GNAZ: variants seen among roughly 807,000 people sequenced by gnomAD.
The protein encoded by GNAZ is G protein subunit alpha z, also known as guanine nucleotide-binding protein G(z) subunit alpha.
A neutral mutation model predicts 25.4 loss-of-function variants in GNAZ; 3 were observed. That is an observed-to-expected ratio of 0.12 (90% confidence interval 0.05 to 0.30). The LOEUF is 0.30. Among genes scored for constraint, GNAZ ranks in the 10% least tolerant of loss-of-function variants. The probability of loss-of-function intolerance (pLI) is 1.00; values close to 1 mark genes in which losing one functional copy is unlikely to be tolerated. For synonymous variants in GNAZ, 211 were observed against 205.7 expected, an observed-to-expected ratio of 1.03 and a Z score of -0.22; for missense variants, 241 against 501.8, an observed-to-expected ratio of 0.48 and a Z score of 4.97.
chr22:23,080,778 A>C (rs2068654834), intron 1 of GNAZ, among the ~76,000 whole-genome samples: 2 of 152,266 alleles, frequency 1.3e-5, no homozygotes, highest in South Asian at 2.1e-4. Context: ...CTATTGTGAT[A>C]AATGAAATGC....
In GNAZ at chr22:23,094,249, G is replaced by T. The variant is rs1405592396; in HGVS notation, c.-449-998G>T. Among the ~76,000 whole-genome samples the T allele has an allele frequency of 2.0e-5, 3 of 152,126 alleles. No homozygotes were observed. In the South Asian group the frequency reaches 6.2e-4, roughly 31 times the overall value. The stretch of plus-strand genomic sequence containing the variant: ...AGAGGGGTGCGTGTGAGTTGGGTGG[G>T]GCCTGGTGCCACCCTGGGCTCACAG... On this transcript the variant is annotated intron_variant, in intron 1 of 2. Transcript: ENST00000615612.
At chr22:23,089,933 G>A in intron 1 of GNAZ, among the ~76,000 whole-genome samples, 1 of 152,170 alleles carries the variant, frequency 6.6e-6, no homozygotes, top group East Asian at 1.9e-4. Flanking sequence ...TCTGGCCTGA[G>A]CACAGCCCAC....
intron 2 of GNAZ, among the ~76,000 whole-genome samples, chr22:23,106,947 A>C (rs2069499536): frequency 6.6e-6 from 1 of 152,176 alleles, no homozygotes; most frequent in Admixed American, 6.5e-5. Flanking sequence ...ACACACAGGG[A>C]AACCAGGGAG....
At chr22:23,080,689 C>T (rs919473837) in intron 1 of GNAZ, among the ~76,000 whole-genome samples, 8 of 152,228 alleles carry the variant, frequency 5.3e-5, no homozygotes, top group African/African-American at 1.2e-4. Flanking sequence ...CCCACAAACA[C>T]GGAGTCACAT....
At chr22:23,096,984 G>A (rs2069144325) in intron 2 of GNAZ, among the ~76,000 whole-genome samples, 1 of 152,242 alleles carries the variant, frequency 6.6e-6, no homozygotes, top group African/African-American at 2.4e-5. Flanking sequence ...AGGGTGGGGA[G>A]CCGGGTGAAG....
chr22:23,072,302 AGTGGGGGT>A (rs556607046), intron 1 of GNAZ, among the ~76,000 whole-genome samples: 2 of 152,224 alleles, frequency 1.3e-5, no homozygotes, highest in East Asian at 3.9e-4. Context: ...TACGGGGTGC[AGTGGGGGT>A]GTGGATGGCC....
At position 23,108,204 on chromosome 22, in the gene GNAZ, T is replaced by G. The variant is rs994441057; in HGVS notation, c.723+11786T>G. Among the ~76,000 whole-genome samples the G allele has an allele frequency of 1.9e-4, 29 of 152,238 alleles. 1 individual carries two copies. Among genetic ancestry groups the G allele is most frequent in the Admixed American group, 1.9e-3 (29 of 15,290 alleles). On this transcript the variant is annotated intron_variant, in intron 2 of 2. Coordinates refer to ENST00000615612, the MANE Select transcript of GNAZ (RefSeq NM_002073.4). ...TGCCACACCAAACGCCTGCAGCATG[T>G]GCCATCTGGCCTTGCCTGCCATCCA...
chr22:23,079,627 A>G (rs1400310850), intron 1 of GNAZ, among the ~76,000 whole-genome samples: 1 of 152,222 alleles, frequency 6.6e-6, no homozygotes, highest in Non-Finnish European at 1.5e-5. Context: ...TTTTACAAGG[A>G]TGCCCCTGGC....
chr22:23,107,195 G>A (rs926425995), intron 2 of GNAZ, among the ~76,000 whole-genome samples: 1 of 152,166 alleles, frequency 6.6e-6, no homozygotes, highest in East Asian at 1.9e-4. Flanking sequence ...ATAGTTGCAG[G>A]GGGGAGGGGG....
intron 2 of GNAZ, among the ~76,000 whole-genome samples, chr22:23,105,615 T>C (rs1289926770): frequency 6.6e-6 from 1 of 152,230 alleles, no homozygotes; most frequent in South Asian, 2.1e-4. Flanking sequence ...CCTCTGGAGC[T>C]GAAACTAGGA....
intron 1 of GNAZ, among the ~76,000 whole-genome samples, chr22:23,086,445 T>C (rs1301062080): frequency 6.6e-6 from 1 of 152,248 alleles, no homozygotes; most frequent in African/African-American, 2.4e-5. Flanking sequence ...GAGGTGCAGC[T>C]GTCCCCTGCG....
chr22:23,077,367 A>G (rs897911461), intron 1 of GNAZ, among the ~76,000 whole-genome samples: 1 of 152,160 alleles, frequency 6.6e-6, no homozygotes, highest in Non-Finnish European at 1.5e-5. Context: ...GTCCAACCCC[A>G]TGCTTCGTTC....
At chr22:23,079,326 G>A (rs2068605999) in intron 1 of GNAZ, among the ~76,000 whole-genome samples, 2 of 152,240 alleles carry the variant, frequency 1.3e-5, no homozygotes, top group Non-Finnish European at 2.9e-5. Flanking sequence ...ATGGGGAGAG[G>A]GCGCGGAAGC....
chr22:23,100,392 C>T (rs2069263066), intron 2 of GNAZ, among the ~76,000 whole-genome samples: 1 of 152,270 alleles, frequency 6.6e-6, no homozygotes, highest in South Asian at 2.1e-4. Context: ...CGTGGGAGGC[C>T]TGGTGTCTCT....
intron 1 of GNAZ, among the ~76,000 whole-genome samples, chr22:23,088,741 C>T (rs2068884039): frequency 1.3e-5 from 2 of 152,180 alleles, no homozygotes; most frequent in Non-Finnish European, 2.9e-5. Context: ...CTAGAGAGTC[C>T]TGCAGGTTCA....
intron 1 of GNAZ, among the ~76,000 whole-genome samples, chr22:23,089,851 C>T (rs1272364034): frequency 6.6e-6 from 1 of 152,110 alleles, no homozygotes. Context: ...CAGGATGGAG[C>T]TCCTTAAGAG....
intron 2 of GNAZ, among the ~76,000 whole-genome samples, chr22:23,121,179 AC>A (rs757550566): frequency 2.0e-5 from 3 of 151,682 alleles, no homozygotes; most frequent in Non-Finnish European, 4.4e-5. Flanking sequence ...AAAGGCCAGC[AC>A]CCCCATCCCC....
At chr22:23,078,872 C>T (rs9306383) in intron 1 of GNAZ, among the ~76,000 whole-genome samples, 3 of 152,014 alleles carry the variant, frequency 2.0e-5, no homozygotes, top group African/African-American at 4.8e-5. Context: ...AGGGCTTAGT[C>T]GTGGGGCAGC....
In GNAZ at chr22:23,095,872, C is replaced by T. The variant is rs747688880; in HGVS notation, c.177C>T (p.Gly59=). ...IVKQMKIIHS[G]GFNLEACKEY... ...AACAGATGAAGATCATCCACAGCGG[C>T]GGCTTCAACCTGGAGGCCTGCAAGG... is the stretch of plus-strand genomic sequence containing the variant. Residue 59 remains glycine (G), a synonymous_variant, in exon 2 of 3, where the codon GGC becomes GGT. Transcript: ENST00000615612. 87 of 1,613,574 alleles carry T rather than the reference C, an allele frequency of 5.4e-5. No homozygotes were observed. The East Asian group carries it at 1.3e-3, about 24-fold the overall frequency.
Sources: gnomAD v4.1 joint callset for allele counts (sites outside exome capture counted in the v4.1 genomes callset) on GRCh38, gnomAD v4.1.1 for gene constraint, MANE v1.5 for transcripts, NCBI Gene and HGNC (gene_info 2026-07-23, HGNC 2026-07-21) for gene names.